The following GRM7 variants were observed in gnomAD, a reference collection of about 807,000 sequenced individuals.
The protein encoded by GRM7 is metabotropic glutamate receptor 7.
Under a neutral mutation model 84.5 loss-of-function variants are expected in GRM7, and 35 were observed. The ratio of observed to expected loss-of-function variants is 0.41; its 90% CI spans 0.32 to 0.55. The LOEUF (loss-of-function observed/expected upper bound fraction) is 0.55. Ranked by LOEUF, GRM7 falls within the 20% of genes least tolerant of loss-of-function variation. GRM7 has a pLI of 0.19. For missense variants in GRM7, 1,003 were observed against 1,194.6 expected, an observed-to-expected ratio of 0.84 and a Z score of 2.36; for synonymous variants, 487 against 455.1, an observed-to-expected ratio of 1.07 and a Z score of -0.89.
chr3:7,597,209 CAGG>C (rs540650659), intron 8 of GRM7, among the ~76,000 whole-genome samples: 2 of 152,116 alleles, frequency 1.3e-5, no homozygotes, highest in South Asian at 4.2e-4. Flanking sequence ...TCTCACATGG[CAGG>C]AGGAGGAGCA....
chr3:7,144,168 A>T (rs1433191571), intron 1 of GRM7, among the ~76,000 whole-genome samples: 1 of 152,156 alleles, frequency 6.6e-6, no homozygotes, highest in Admixed American at 6.6e-5. Flanking sequence ...TTTAATGCTT[A>T]TTTAAAAAAT....
intron 1 of GRM7, among the ~76,000 whole-genome samples, chr3:7,025,135 T>C (rs1286950225): frequency 1.3e-5 from 2 of 152,160 alleles, no homozygotes; most frequent in African/African-American, 4.8e-5. Context: ...ACTCAGACAC[T>C]CTCTCCTGCC....
At chr3:7,659,714 C>G (rs1699352103) in intron 8 of GRM7, among the ~76,000 whole-genome samples, 2 of 152,182 alleles carry the variant, frequency 1.3e-5, no homozygotes, top group African/African-American at 4.8e-5. Context: ...CAAACTCTGG[C>G]TGGCTCCACA....
intron 8 of GRM7, among the ~76,000 whole-genome samples, chr3:7,644,576 T>G (rs1166337128): frequency 1.3e-5 from 2 of 152,216 alleles, no homozygotes; most frequent in African/African-American, 4.8e-5. Context: ...CCTCAATCTT[T>G]ATTCCTCACC....
rs77511865 is a variant in GRM7 at position 7,293,872 on chromosome 3, T to C, written c.737-4812T>C. 6.9e-3 allele frequency among the ~76,000 whole-genome samples: 1,044 copies of C among 152,300 alleles called. 21 individuals carry two copies. Among genetic ancestry groups the C allele is most frequent in the African/African-American group, 0.022 (901 of 41,564 alleles). ...GAAATTTTAAACCTGCCACATTCTT[T>C]TATGGATCTGAGACAAATAAGGGAT... On this transcript the variant is annotated intron_variant, in intron 2 of 9. Coordinates refer to ENST00000357716, the MANE Select transcript of GRM7 (RefSeq NM_000844.4).
chr3:6,992,650 G>A (rs1433922038), intron 1 of GRM7, among the ~76,000 whole-genome samples: 1 of 152,132 alleles, frequency 6.6e-6, no homozygotes, highest in Non-Finnish European at 1.5e-5. Flanking sequence ...GAAATAGTGT[G>A]ACTGAAACCC....
intron 7 of GRM7, among the ~76,000 whole-genome samples, chr3:7,480,615 G>GTT (rs1368549584): frequency 6.6e-6 from 1 of 152,218 alleles, no homozygotes; most frequent in African/African-American, 2.4e-5. Context: ...TTCTTTGCAT[G>GTT]CACTTGTGAG....
chr3:7,307,547 A>G (rs1364324326), intron 4 of GRM7, among the ~76,000 whole-genome samples: 3 of 152,160 alleles, frequency 2.0e-5, no homozygotes, highest in Non-Finnish European at 4.4e-5. Flanking sequence ...AGAAGGCTGC[A>G]TGTTCTGTGT....
chr3:6,871,256 T>C (rs1476540119), intron 1 of GRM7, among the ~76,000 whole-genome samples: 2 of 152,152 alleles, frequency 1.3e-5, no homozygotes, highest in Admixed American at 6.5e-5. Flanking sequence ...CCATATTTTG[T>C]AAGGTTTAAA....
intron 5 of GRM7, among the ~76,000 whole-genome samples, chr3:7,417,099 C>T (rs1446425940): frequency 2.0e-5 from 3 of 152,098 alleles, no homozygotes; most frequent in African/African-American, 7.2e-5. Flanking sequence ...CTTATACAAA[C>T]TAGTAAGGTC....
At chr3:7,131,774 C>T (rs746422603) in intron 1 of GRM7, among the ~76,000 whole-genome samples, 5 of 152,074 alleles carry the variant, frequency 3.3e-5, no homozygotes, top group East Asian at 1.9e-4. Context: ...CGTGAGCCAC[C>T]GCACCCAGGC....
chr3:7,709,747 G>T (rs1701517206), intron 9 of GRM7, among the ~76,000 whole-genome samples: 1 of 152,154 alleles, frequency 6.6e-6, no homozygotes, highest in South Asian at 2.1e-4. Flanking sequence ...CCTTGCATTG[G>T]TTTGGAAGAA....
intron 1 of GRM7, among the ~76,000 whole-genome samples, chr3:7,101,452 AC>A (rs1699105471): frequency 6.6e-6 from 1 of 151,170 alleles, no homozygotes; most frequent in East Asian, 1.9e-4. Flanking sequence ...ATCTTTTCCC[AC>A]TTTTTTACTG....
chr3:7,290,699 C>G (rs1289333956), intron 2 of GRM7, among the ~76,000 whole-genome samples: 1 of 152,132 alleles, frequency 6.6e-6, no homozygotes, highest in Non-Finnish European at 1.5e-5. Context: ...ATAACCTCTG[C>G]TATTTATTAC....
chr3:7,685,243 C>T (rs1438073306), intron 9 of GRM7, among the ~76,000 whole-genome samples: 2 of 152,200 alleles, frequency 1.3e-5, no homozygotes, highest in African/African-American at 4.8e-5. Context: ...GGACTGGTAT[C>T]AACCAGAAGA....
intron 4 of GRM7, among the ~76,000 whole-genome samples, chr3:7,358,649 C>G (rs1693516532): frequency 7.0e-6 from 1 of 141,918 alleles, no homozygotes; most frequent in Non-Finnish European, 1.5e-5. Flanking sequence ...ACTGGGATCT[C>G]TTTTTTGCAA....
chr3:7,338,652 A>T (rs1300001166), intron 4 of GRM7, among the ~76,000 whole-genome samples: 1 of 152,108 alleles, frequency 6.6e-6, no homozygotes, highest in Non-Finnish European at 1.5e-5. Context: ...TGAAGTTCAC[A>T]CCATGGATGC....
At chr3:7,295,740 C>T (rs1699791854) in intron 2 of GRM7, among the ~76,000 whole-genome samples, 1 of 151,994 alleles carries the variant, frequency 6.6e-6, no homozygotes, top group Admixed American at 6.6e-5. Flanking sequence ...GTAGTTCCTT[C>T]CTATGATCGA....
chr3:7,244,174 CT>C (rs1193027168), intron 2 of GRM7, among the ~76,000 whole-genome samples: 1 of 152,028 alleles, frequency 6.6e-6, no homozygotes, highest in Non-Finnish European at 1.5e-5. Flanking sequence ...CTTACAGTAA[CT>C]TTTTTATTTT....
Sources: allele counts gnomAD v4.1 joint callset (sites outside exome capture counted in the v4.1 genomes callset), GRCh38; gene constraint gnomAD v4.1.1; transcripts MANE v1.5; gene names NCBI Gene and HGNC (gene_info 2026-07-23, HGNC 2026-07-21).